The following MCPH1 variants were observed in gnomAD, a reference collection of about 807,000 sequenced individuals.
MCPH1 encodes microcephalin.
Under a neutral mutation model 84.5 loss-of-function variants are expected in MCPH1, and 104 were observed. That is an observed-to-expected ratio of 1.23 (90% CI 1.05 to 1.45). The LOEUF (loss-of-function observed/expected upper bound fraction) is 1.45. Among genes scored for constraint, MCPH1 ranks in the 40% most tolerant of loss-of-function variants. MCPH1 has a pLI of 0.00. For synonymous variants in MCPH1, 514 were observed against 366.8 expected, an observed-to-expected ratio of 1.40 and a Z score of -4.58; for missense variants, 1,498 against 1,005.7, an observed-to-expected ratio of 1.49 and a Z score of -6.62.
Position 6,626,583 on chromosome 8 carries a change from T to C in MCPH1, c.2452+4892T>C, listed in dbSNP as rs1204418874. The C allele has an allele frequency of 5.1e-6, 5 of 978,916 alleles. No individual in the cohort carries two copies. In the African/African-American group the frequency reaches 5.4e-5, roughly 11 times the overall value. 60.6% of individuals were successfully genotyped at this position (978,916 alleles called of 1,614,324 possible). A position where few individuals can be genotyped will look rare whatever the true frequency, so the allele number is the denominator to read the frequency against. ...AAATTCCCGGCCCTAGGAAATAAAA[T>C]GTTACCTTTACCTGATATTGATAAT... On this transcript the variant is annotated intron_variant, in intron 13 of 13. Transcript: ENST00000344683.
intron 8 of MCPH1, among the ~76,000 whole-genome samples, chr8:6,453,421 T>C (rs1234929117): frequency 6.6e-6 from 1 of 152,102 alleles, no homozygotes; most frequent in Admixed American, 6.5e-5. Flanking sequence ...TATCAGTCTT[T>C]CTTAAGTTTT....
intron 12 of MCPH1, among the ~76,000 whole-genome samples, chr8:6,551,955 ACT>A (rs1269858406): frequency 1.3e-5 from 2 of 152,190 alleles, no homozygotes; most frequent in African/African-American, 4.8e-5. Context: ...GTCTAATAAA[ACT>A]CTAATACTTC....
At chr8:6,439,510 G>A (rs1292764023) in intron 6 of MCPH1, among the ~76,000 whole-genome samples, 2 of 151,238 alleles carry the variant, frequency 1.3e-5, no homozygotes, top group East Asian at 3.9e-4. Context: ...TCAGCCTCCC[G>A]AGTAGCTGGG....
intron 13 of MCPH1, among the ~76,000 whole-genome samples, chr8:6,639,053 A>G (rs552609918): frequency 3.3e-5 from 5 of 152,206 alleles, no homozygotes; most frequent in Non-Finnish European, 7.3e-5. Context: ...TTGTGAGGTT[A>G]CATGTAGGCT....
At chr8:6,437,959 A>G (rs1802923759) in intron 5 of MCPH1, among the ~76,000 whole-genome samples, 1 of 152,200 alleles carries the variant, frequency 6.6e-6, no homozygotes, top group South Asian at 2.1e-4. Flanking sequence ...TTTAAACCAG[A>G]AGGACATCCC....
At chr8:6,605,464 G>T (rs544255231) in intron 12 of MCPH1, among the ~76,000 whole-genome samples, 4 of 152,146 alleles carry the variant, frequency 2.6e-5, no homozygotes, top group Non-Finnish European at 5.9e-5. Flanking sequence ...CAAAGACTCC[G>T]CAGCAAATAA....
chr8:6,511,539 A>G (rs1477882920), intron 12 of MCPH1, among the ~76,000 whole-genome samples: 1 of 152,168 alleles, frequency 6.6e-6, no homozygotes, highest in Admixed American at 6.5e-5. Context: ...CACTTGGGGA[A>G]CATTTCTTCT....
intron 8 of MCPH1, chr8:6,447,011 TGTCCAGGCAGGG>T (rs1804492972): frequency 3.6e-5 from 2 of 54,878 alleles, no homozygotes; most frequent in Non-Finnish European, 8.3e-5. Flanking sequence ...CAGGCAGGGG[TGTCCAGGCAGGG>T]CCCGGGTGCA....
chr8:6,494,756 G>A (rs1378252855), intron 11 of MCPH1, among the ~76,000 whole-genome samples: 5 of 152,136 alleles, frequency 3.3e-5, no homozygotes, highest in African/African-American at 1.2e-4. Context: ...AGAGGGATGG[G>A]GAGTGATTAC....
At chr8:6,585,767 T>G (rs1055144579) in intron 12 of MCPH1, among the ~76,000 whole-genome samples, 1 of 152,226 alleles carries the variant, frequency 6.6e-6, no homozygotes, top group Non-Finnish European at 1.5e-5. Context: ...GCTGAGCAAC[T>G]TGGCCTGTAC....
chr8:6,513,663 C>T, intron 12 of MCPH1: 3 of 1,597,490 alleles, frequency 1.9e-6, no homozygotes, highest in Non-Finnish European at 2.6e-6. Flanking sequence ...TTTCAATTAC[C>T]ATGAACTCAC....
At chr8:6,605,401 T>A (rs1270985088) in intron 12 of MCPH1, among the ~76,000 whole-genome samples, 1 of 152,182 alleles carries the variant, frequency 6.6e-6, no homozygotes, top group Non-Finnish European at 1.5e-5. Context: ...TTCATTCCAA[T>A]GCATTCCCCA....
intron 12 of MCPH1, among the ~76,000 whole-genome samples, chr8:6,543,435 C>T (rs767036602): frequency 1.6e-4 from 24 of 152,164 alleles, no homozygotes; most frequent in Admixed American, 5.2e-4. Context: ...CACACATTTC[C>T]GTGCTCTGCA....
chr8:6,623,720 TA>T lies in MCPH1; in HGVS notation c.2452+2030del, dbSNP rs1831749817. On this transcript the variant is annotated intron_variant, in intron 13 of 13. Transcript: ENST00000344683. Reference sequence around the variant, plus strand: ...AAAAAAAAAAAAAAAAAAAAAAAACTATTGATTTTAGTCACAGTCCAAAAGC... The same window carrying T: ...AAAAAAAAAAAAAAAAAAAAAAAACTTTGATTTTAGTCACAGTCCAAAAGC... 1.2e-3 allele frequency among the ~76,000 whole-genome samples: 7 copies of T among 6,072 alleles called. 3 individuals are homozygous for T. Among genetic ancestry groups the T allele is most frequent in the African/African-American group, 3.5e-3 (5 of 1,438 alleles). 4.0% of individuals were successfully genotyped at this position (6,072 alleles called of 152,430 possible). A position where few individuals can be genotyped will look rare whatever the true frequency, so the allele number is the denominator to read the frequency against.
rs145006963 is a variant in MCPH1 at position 6,584,473 on chromosome 8, T to A, written c.2215-36981T>A. Among the ~76,000 whole-genome samples, 281 of 152,358 alleles carry A rather than the reference T, an allele frequency of 1.8e-3. 3 individuals are homozygous for A. The highest frequency in any genetic ancestry group is 6.5e-3 in the African/African-American group (271 of 41,570). ...GGCCAATTTTTTTGTTATTTTAATC[T>A]CTGCTTATCCCAATTCTTTTAGCTG... On this transcript the variant is annotated intron_variant, in intron 12 of 13. Coordinates refer to ENST00000344683, the MANE Select transcript of MCPH1 (RefSeq NM_024596.5).
chr8:6,631,874 A>G (rs773385625), intron 13 of MCPH1, among the ~76,000 whole-genome samples: 3 of 152,238 alleles, frequency 2.0e-5, no homozygotes, highest in Non-Finnish European at 4.4e-5. Context: ...TCTCAAAAGA[A>G]TAATTGTACA....
intron 12 of MCPH1, among the ~76,000 whole-genome samples, chr8:6,519,533 ACTTT>A (rs1220717681): frequency 1.3e-5 from 2 of 152,356 alleles, no homozygotes; most frequent in African/African-American, 4.8e-5. Context: ...TTTGGAAGAT[ACTTT>A]CTTTAAGGAA....
intron 12 of MCPH1, 142 bp downstream of exon 12, chr8:6,500,071 C>G (rs1485149580): frequency 1.4e-6 from 1 of 722,464 alleles, no homozygotes; most frequent in South Asian, 1.5e-5. Context: ...GAACTTAACA[C>G]CTTTTATCAA....
intron 12 of MCPH1, among the ~76,000 whole-genome samples, chr8:6,528,229 G>C (rs924561619): frequency 1.3e-5 from 2 of 152,154 alleles, no homozygotes; most frequent in Non-Finnish European, 2.9e-5. Flanking sequence ...GTGGTTAGTA[G>C]TTCTGGACAA....
Sources: allele counts gnomAD v4.1 joint callset (sites outside exome capture counted in the v4.1 genomes callset), GRCh38; gene constraint gnomAD v4.1.1; transcripts MANE v1.5; gene names NCBI Gene and HGNC (gene_info 2026-07-23, HGNC 2026-07-21).